Variants in ZNF853 observed in about 807,000 individuals in gnomAD.
ZNF853 encodes the protein zinc finger protein 853.
Under a neutral mutation model 94.7 loss-of-function variants are expected in ZNF853, and 57 were observed. The ratio of observed to expected loss-of-function variants is 0.60; its 90% CI spans 0.49 to 0.75. The LOEUF is 0.75. Among genes scored for constraint, ZNF853 ranks in the 30% least tolerant of loss-of-function variants. The pLI is 0.00. For synonymous variants in ZNF853, 448 were observed against 406.3 expected (o/e 1.10, Z -1.23); for missense variants, 785 against 868.9 (o/e 0.90, Z 1.21).
intron 1 of ZNF853, 130 bp downstream of exon 1, chr7:6,616,316 A>C: frequency 1.1e-6 from 1 of 872,990 alleles, no homozygotes; most frequent in Middle Eastern, 2.4e-4. Flanking sequence ...GTGGACTCTC[A>C]GGAGCGCCTG....
chr7:6,616,517 A>G lies in ZNF853; in HGVS notation c.12+331A>G. On this transcript the variant is annotated intron_variant, in intron 1 of 2. Coordinates refer to ENST00000457543, the MANE Select transcript of ZNF853 (RefSeq NM_017560.3). ...CACTTTAGGAGGCCGAGGCAGGAGG[A>G]TCGCCTGAGGCCAGGAGTTCGAGAC... Among the ~76,000 whole-genome samples, 351 of 152,254 alleles carry G rather than the reference A, an allele frequency of 2.3e-3. 1 individual carries two copies. Among genetic ancestry groups the G allele is most frequent in the African/African-American group, 8.1e-3 (336 of 41,546 alleles).
In ZNF853 at chr7:6,616,192, G is replaced by C; in HGVS notation, c.12+6G>C. On this transcript the variant is annotated splice_donor_region_variant and intron_variant, in intron 1 of 2. Coordinates refer to ENST00000457543, the MANE Select transcript of ZNF853 (RefSeq NM_017560.3). ...AGCAGGAAATGCTCCACCAGGTGAG[G>C]CCCAGGGGGTCGTTGGCGCTGGGCA... 3.2e-6 allele frequency: 5 copies of C among 1,548,300 alleles called. No homozygotes were observed. The Admixed American group carries it at 7.9e-5, about 24-fold the overall frequency.
At chr7:6,620,650 C>G in intron 2 of ZNF853, among the ~76,000 whole-genome samples, 10 of 152,070 alleles carry the variant, frequency 6.6e-5, no homozygotes, top group Non-Finnish European at 1.2e-4. Context: ...GAGATGGACT[C>G]TCCCTCTGTC....
rs759643948 is a variant in ZNF853 at position 6,622,629 on chromosome 7, C to T, written c.1638C>T (p.Cys546=). ...AGAAACCCTACGCCTGCTCCTACTG[C>T]GCCAAGCGCTTCAGCGAGAGCTCGG... ...TGEKPYACSY[C]AKRFSESSAL... Residue 546 remains cysteine (C), a synonymous_variant, in exon 3 of 3, where the codon TGC becomes TGT. Transcript: ENST00000457543. 3.8e-5 allele frequency: 60 copies of T among 1,582,230 alleles called. No homozygotes were observed. Among genetic ancestry groups the T allele is most frequent in the Middle Eastern group, 3.3e-4 (2 of 6,056 alleles).
At position 6,622,020 on chromosome 7, in the gene ZNF853, G is replaced by GCGGCAGCAGGAGCTGGAA. The variant is rs759643370; in HGVS notation, c.1043_1060dup (p.Leu348_Glu353dup). ...TGGAGCAGCAGCGGCAGGAGTTGGA[G>GCGGCAGCAGGAGCTGGAA]CGGCAGCAGGAGCTGGAACGGCAGC... On this transcript the variant is annotated inframe_insertion, in exon 3 of 3. Transcript: ENST00000457543. 8.4e-6 allele frequency: 13 copies of GCGGCAGCAGGAGCTGGAA among 1,549,524 alleles called. No homozygotes were observed. Among genetic ancestry groups the GCGGCAGCAGGAGCTGGAA allele is most frequent in the Admixed American group, 7.8e-5 (4 of 50,976 alleles).
chr7:6,623,325 GCCGAGGA>G lies in ZNF853; in HGVS notation c.*356_*362del, dbSNP rs1416383275. 3 of 398,450 alleles carry G rather than the reference GCCGAGGA, an allele frequency of 7.5e-6. No individual in the cohort carries two copies. The highest frequency in any genetic ancestry group is 1.3e-5 in the Non-Finnish European group (3 of 226,064). The allele number at this position is 398,450 out of a possible 1,614,324, so 24.7% of individuals were successfully genotyped here. The stretch of plus-strand genomic sequence containing the variant: ...AGTGGCGAGACGATTAATGACACTG[GCCGAGGA>G]CTGGACACCCACCAGGGAATCAAGA... On this transcript the variant is annotated 3_prime_UTR_variant, in exon 3 of 3. Coordinates refer to ENST00000457543, the MANE Select transcript of ZNF853 (RefSeq NM_017560.3).
rs1782672171 is a variant in ZNF853, at chr7:6,623,054, C to T, written c.*83C>T. 1 of 1,159,928 alleles carries T rather than the reference C, an allele frequency of 8.6e-7. No individual in the cohort carries two copies. The highest frequency in any genetic ancestry group is 1.1e-6 in the Non-Finnish European group (1 of 921,884). The allele number at this position is 1,159,928 out of a possible 1,614,324, so 71.9% of individuals were successfully genotyped here. On this transcript the variant is annotated 3_prime_UTR_variant, in exon 3 of 3. Transcript: ENST00000457543. Reference sequence around the variant, plus strand: ...AAGCTCCTTGACCCGGGTTCATGGGCGCTGGAGGCGTCCTGGAATATCCCT... The same window carrying T: ...AAGCTCCTTGACCCGGGTTCATGGGTGCTGGAGGCGTCCTGGAATATCCCT...
rs1782661264 is a variant in ZNF853, at chr7:6,622,782, C to CGT, written c.1795_1796dup (p.Glu600AlafsTer100). ...GCACGCACTCGGGCGAGCGGCCCTA[C>CGT]GTGTGCGAGGACTGTGGCGAGCGCT... On this transcript the variant is annotated frameshift_variant, in exon 3 of 3. Transcript: ENST00000457543. LOFTEE classifies it high-confidence loss of function. 1.3e-6 allele frequency: 2 copies of CGT among 1,540,344 alleles called. No individual in the cohort carries two copies. The highest frequency in any genetic ancestry group is 1.7e-6 in the Non-Finnish European group (2 of 1,146,840).
At chr7:6,617,855 G>A in intron 2 of ZNF853, among the ~76,000 whole-genome samples, 2,104 of 152,172 alleles carry the variant, frequency 0.014, 42 homozygotes, top group African/African-American at 0.047. Flanking sequence ...GACCCACTCT[G>A]GGCAAACCTT....
At position 6,615,803 on chromosome 7, in the gene ZNF853, C is replaced by G. The variant is rs1470486000; in HGVS notation, c.-372C>G. 6.5e-6 allele frequency: 1 copy of G among 153,994 alleles called. No homozygotes were observed. Among genetic ancestry groups the G allele is most frequent in the African/African-American group, 2.4e-5 (1 of 41,090 alleles). The allele number at this position is 153,994 out of a possible 1,614,324, so 9.5% of individuals were successfully genotyped here. A position where few individuals can be genotyped will look rare whatever the true frequency, so the allele number is the denominator to read the frequency against. ...TCGCCTGGCCGCCGCCGACCCCAGG[C>G]GGGGCCACCCCGTGGTGCCGACCCC... On this transcript the variant is annotated 5_prime_UTR_variant, in exon 1 of 3. Coordinates refer to ENST00000457543, the MANE Select transcript of ZNF853 (RefSeq NM_017560.3). The surrounding 1 kb of genome is among the most constrained non-coding windows in gnomAD (Gnocchi z 8.5).
In ZNF853 at chr7:6,622,578, G is replaced by A; in HGVS notation, c.1587G>A (p.Val529=). Residue 529 remains valine (V), a synonymous_variant, in exon 3 of 3, where the codon GTG becomes GTA. Transcript: ENST00000457543. ...GKGFSQHSNL[V]THQRIHTGEK... ...GCTTCTCGCAGCACTCGAATCTGGTGACGCACCAACGCATCCACACGGGCG... is the reference window on the plus strand; with the variant it reads ...GCTTCTCGCAGCACTCGAATCTGGTAACGCACCAACGCATCCACACGGGCG... 4 of 1,572,866 alleles carry A rather than the reference G, an allele frequency of 2.5e-6. No individual in the cohort carries two copies. Among genetic ancestry groups the A allele is most frequent in the Non-Finnish European group, 3.4e-6 (4 of 1,160,138 alleles).
rs1398494206 is a variant in ZNF853 at position 6,622,811 on chromosome 7, G to T, written c.1820G>T (p.Arg607Leu). The change falls in exon 3 of 3, where the codon CGA (arginine) becomes CTA (leucine). Residue 607 changes from arginine (R) to leucine (L), a missense_variant. Transcript: ENST00000457543. The stretch of plus-strand genomic sequence containing the variant: ...TGCGAGGACTGTGGCGAGCGCTTCC[G>T]ACACAAGGTGCAGATCCGCCGCCAC... ...YVCEDCGERF[R>L]HKVQIRRHER... The T allele has an allele frequency of 6.5e-7, 1 of 1,532,216 alleles. No homozygotes were observed. Among genetic ancestry groups the T allele is most frequent in the Non-Finnish European group, 8.7e-7 (1 of 1,143,754 alleles). 94.9% of individuals were successfully genotyped at this position (1,532,216 alleles called of 1,614,324 possible). A position where few individuals can be genotyped will look rare whatever the true frequency, so the allele number is the denominator to read the frequency against.
rs1562570390 is a variant in ZNF853 at position 6,622,217 on chromosome 7, C to T, written c.1226C>T (p.Pro409Leu). The stretch of plus-strand genomic sequence containing the variant: ...CAGCTGGAGCTGACCCCCGTGCAGC[C>T]GGAGCTGCAGCTGGAACTGGTGCCA... The part of the protein sequence containing the change: ...EVQLELTPVQ[P>L]ELQLELVPAA... Residue 409 changes from proline to leucine, a missense_variant, in exon 3 of 3, where the codon CCG (proline) becomes CTG (leucine). Pro to Leu is a moderately conservative substitution (Grantham distance 98). Coordinates refer to ENST00000457543, the MANE Select transcript of ZNF853 (RefSeq NM_017560.3). 1.3e-6 allele frequency: 2 copies of T among 1,534,502 alleles called. No homozygotes were observed. Among genetic ancestry groups the T allele is most frequent in the Non-Finnish European group, 1.7e-6 (2 of 1,144,616 alleles).
At position 6,622,290 on chromosome 7, in the gene ZNF853, C is replaced by A; in HGVS notation, c.1299C>A (p.Val433=). ...CGGTCCCGGGGGCTCCGGCCGCGGTCGTGGTGGCTCCCCCGGGCTACGTGG... is the reference window on the plus strand; with the variant it reads ...CGGTCCCGGGGGCTCCGGCCGCGGTAGTGGTGGCTCCCCCGGGCTACGTGG... ...GAAVPGAPAA[V]VVAPPGYVVV... is the part of the protein sequence containing the mutation. Residue 433 remains valine, a synonymous_variant, in exon 3 of 3, where the codon GTC becomes GTA. Transcript: ENST00000457543. The A allele has an allele frequency of 1.3e-6, 2 of 1,504,930 alleles. No homozygotes were observed. Among genetic ancestry groups the A allele is most frequent in the South Asian group, 2.5e-5 (2 of 79,152 alleles). 93.2% of individuals were successfully genotyped at this position (1,504,930 alleles called of 1,614,324 possible).
intron 2 of ZNF853, among the ~76,000 whole-genome samples, chr7:6,619,960 C>A: frequency 6.6e-6 from 1 of 152,158 alleles, no homozygotes; most frequent in Non-Finnish European, 1.5e-5. Flanking sequence ...TCAAACAGTC[C>A]CAGTCTCCTT....
Position 6,622,271 on chromosome 7 carries a change from C to CG in ZNF853, c.1285dup (p.Ala429GlyfsTer82). 6.0e-6 allele frequency: 9 copies of CG among 1,505,232 alleles called. No homozygotes were observed. The highest frequency in any genetic ancestry group is 7.9e-6 in the Non-Finnish European group (9 of 1,133,116). 93.2% of individuals were successfully genotyped at this position (1,505,232 alleles called of 1,614,324 possible). A position where few individuals can be genotyped will look rare whatever the true frequency, so the allele number is the denominator to read the frequency against. On this transcript the variant is annotated frameshift_variant, in exon 3 of 3. Coordinates refer to ENST00000457543, the MANE Select transcript of ZNF853 (RefSeq NM_017560.3). LOFTEE classifies it high-confidence loss of function. Reference sequence around the variant, plus strand: ...GCAGGGGGCGGCGGAGCGGCGGTCCCGGGGGCTCCGGCCGCGGTCGTGGTG... The same window carrying CG: ...GCAGGGGGCGGCGGAGCGGCGGTCCCGGGGGGCTCCGGCCGCGGTCGTGGTG...
Position 6,622,101 on chromosome 7 carries a change from ACAGCTGGAGCAGCAGCAGCAG to A in ZNF853, c.1126_1146del (p.Gln376_Gln382del), listed in dbSNP as rs751338546. 136 of 1,545,666 alleles carry A rather than the reference ACAGCTGGAGCAGCAGCAGCAG, an allele frequency of 8.8e-5. 1 individual carries two copies. The highest frequency in any genetic ancestry group is 6.0e-4 in the South Asian group (50 of 83,932). On this transcript the variant is annotated inframe_deletion, in exon 3 of 3. Transcript: ENST00000457543. ...AGGAGGAGCTGCAGCAGCTGGAGCA[ACAGCTGGAGCAGCAGCAGCAG>A]CAGCTGGAGCAGCAGGAGGTGCAGC...
Position 6,622,598 on chromosome 7 carries a change from C to A in ZNF853, c.1607C>A (p.Thr536Lys), listed in dbSNP as rs1419702046. 1.9e-6 allele frequency: 3 copies of A among 1,578,990 alleles called. No homozygotes were observed. The highest frequency in any genetic ancestry group is 1.1e-5 in the South Asian group (1 of 87,110). ...CTGGTGACGCACCAACGCATCCACA[C>A]GGGCGAGAAACCCTACGCCTGCTCC... is the stretch of plus-strand genomic sequence containing the variant. ...SNLVTHQRIH[T>K]GEKPYACSYC... The change falls in exon 3 of 3, where the codon ACG (threonine) becomes AAG (lysine). Residue 536 changes from threonine (T) to lysine (K), a missense_variant. Coordinates refer to ENST00000457543, the MANE Select transcript of ZNF853 (RefSeq NM_017560.3).
chr7:6,617,654 C>G (rs1325788476), intron 2 of ZNF853: 82 of 985,426 alleles, frequency 8.3e-5, no homozygotes, highest in Non-Finnish European at 9.4e-5. Flanking sequence ...TTTCCCGGAT[C>G]CGATTCAGGT....
Sources: allele counts gnomAD v4.1 joint callset (sites outside exome capture counted in the v4.1 genomes callset), GRCh38; gene constraint gnomAD v4.1.1; non-coding constraint Gnocchi (gnomAD v3.1); transcripts MANE v1.5; gene names NCBI Gene and HGNC (gene_info 2026-07-23, HGNC 2026-07-21).